Variants in AMZ1 observed in about 807,000 individuals in gnomAD.
AMZ1 encodes archaemetzincin-1.
Under a neutral mutation model 29.9 loss-of-function variants are expected in AMZ1, and 39 were observed. The observed-to-expected ratio is 1.30, with a 90% CI of 1.01 to 1.70. AMZ1 has a LOEUF of 1.70. Ranked by LOEUF, AMZ1 falls within the 40% of genes most tolerant of loss-of-function variation. AMZ1 has a pLI of 0.00. For missense variants in AMZ1, 1,041 were observed against 680.6 expected, an observed-to-expected ratio of 1.53 and a Z score of -5.89; for synonymous variants, 458 against 304.0, an observed-to-expected ratio of 1.51 and a Z score of -5.27.
At position 2,712,872 on chromosome 7, in the gene AMZ1, G is replaced by T. The variant is rs74388321; in HGVS notation, c.1491G>T (p.Glu497Asp). Residue 497 changes from glutamate (E) to aspartate (D), a missense_variant, in exon 7 of 7, where the codon GAG becomes GAT. Physicochemically the swap from Glu to Asp is conservative, Grantham distance 45. Coordinates refer to ENST00000683327, the MANE Select transcript of AMZ1 (RefSeq NM_001384743.1). ...CCCCCCGTCCCTGGGATGGGGAAGA[G>T]AGTTAGTACAGCAGGGGCTGCCCTA... ...ESAPRPWDGE[E>D]S is the part of the protein sequence containing the mutation. 11 of 1,518,918 alleles carry T rather than the reference G, an allele frequency of 7.2e-6. No individual in the cohort carries two copies. The highest frequency in any genetic ancestry group is 8.8e-6 in the Non-Finnish European group (10 of 1,133,508). 94.1% of individuals were successfully genotyped at this position (1,518,918 alleles called of 1,614,324 possible).
chr7:2,722,406 G>A (rs1583192340), downstream of AMZ1, among the ~76,000 whole-genome samples: 1 of 151,874 alleles, frequency 6.6e-6, no homozygotes, highest in Non-Finnish European at 1.5e-5. Flanking sequence ...CCAAGTAGCC[G>A]GGACTACAGG....
At chr7:2,759,956 G>A (rs1187777658), upstream of AMZ1, among the ~76,000 whole-genome samples, 1 of 152,188 alleles carries the variant, frequency 6.6e-6, no homozygotes, top group Non-Finnish European at 1.5e-5. Context: ...TGTGTAGGCT[G>A]GAAGCCACCA....
downstream of AMZ1, among the ~76,000 whole-genome samples, chr7:2,721,371 C>A (rs1360781528): frequency 6.6e-6 from 1 of 152,208 alleles, no homozygotes; most frequent in Non-Finnish European, 1.5e-5. Flanking sequence ...CTCTGGAAGC[C>A]CGTGGATGCG....
intron 4 of AMZ1, among the ~76,000 whole-genome samples, chr7:2,747,662 C>A (rs116812210): frequency 6.6e-6 from 1 of 152,074 alleles, no homozygotes; most frequent in Non-Finnish European, 1.5e-5. Context: ...TGTTGGAAGT[C>A]CTAGGCAGGG....
chr7:2,694,301 C>A (rs143383086), intron 1 of AMZ1, among the ~76,000 whole-genome samples: 1 of 152,172 alleles, frequency 6.6e-6, no homozygotes, highest in East Asian at 1.9e-4. Flanking sequence ...TCTCTTGCCC[C>A]GGGACTGGAT....
intron 4 of AMZ1, among the ~76,000 whole-genome samples, chr7:2,752,836 C>T (rs922790589): frequency 1.3e-5 from 2 of 152,182 alleles, no homozygotes; most frequent in Non-Finnish European, 2.9e-5. Flanking sequence ...GTGGTTACAT[C>T]TGTTGTTCTT....
At chr7:2,696,773 C>G (rs921590278) in intron 1 of AMZ1, among the ~76,000 whole-genome samples, 1 of 152,094 alleles carries the variant, frequency 6.6e-6, no homozygotes, top group South Asian at 2.1e-4. Flanking sequence ...GTAGTCCCAA[C>G]TACTTGGGAG....
chr7:2,687,726 G>C (rs1787138332), upstream of AMZ1, among the ~76,000 whole-genome samples: 1 of 151,834 alleles, frequency 6.6e-6, no homozygotes, highest in African/African-American at 2.4e-5. Flanking sequence ...GATAAGCCTG[G>C]TTCACCTCCT....
chr7:2,735,748 T>C (rs935859579), intron 4 of AMZ1, among the ~76,000 whole-genome samples: 1 of 152,186 alleles, frequency 6.6e-6, no homozygotes, highest in African/African-American at 2.4e-5. Flanking sequence ...TCATCTTGCA[T>C]GAGTGGCGGA....
chr7:2,703,040 G>A, intron 3 of AMZ1, 151 bp downstream of exon 3: 1 of 1,141,024 alleles, frequency 8.8e-7, no homozygotes, highest in Non-Finnish European at 1.2e-6. Flanking sequence ...GCAGGACCAA[G>A]CCGGAGAGCT....
chr7:2,741,397 G>C (rs1397167402), intron 4 of AMZ1, among the ~76,000 whole-genome samples: 1 of 152,080 alleles, frequency 6.6e-6, no homozygotes. Context: ...CTAGGGGTGG[G>C]GAGAGCTCAC....
chr7:2,712,305 C>T, intron 6 of AMZ1, 25 bp from the exon 7 acceptor site: 1 of 1,533,294 alleles, frequency 6.5e-7, no homozygotes, highest in Non-Finnish European at 8.8e-7. Flanking sequence ...ACGGAGCAAA[C>T]TCAGCCTGTG....
downstream of AMZ1, among the ~76,000 whole-genome samples, chr7:2,722,764 A>G (rs112992953): frequency 6.3e-3 from 964 of 152,234 alleles, 13 homozygotes; most frequent in African/African-American, 0.022. Flanking sequence ...CTTGAGGCCA[A>G]GAGTTCAACA....
chr7:2,731,027 C>G lies in AMZ1; in HGVS notation n.550+21211C>G. The G allele has an allele frequency of 1.7e-6, 1 of 573,442 alleles. No homozygotes were observed. Among genetic ancestry groups the G allele is most frequent in the African/African-American group, 1.9e-5 (1 of 53,862 alleles). 35.5% of individuals were successfully genotyped at this position (573,442 alleles called of 1,614,324 possible). A position where few individuals can be genotyped will look rare whatever the true frequency, so the allele number is the denominator to read the frequency against. ...TCCATGTCCTTTTGCCTAGAGCTCG[C>G]TGGCTGGCTGGTCTGACAGCATTCC... On this transcript the variant is annotated intron_variant and non_coding_transcript_variant, in intron 4 of 4. Coordinates refer to the AMZ1 transcript ENST00000489665. The surrounding 1 kb of genome is among the most constrained non-coding windows in gnomAD (Gnocchi z 6.0).
At chr7:2,705,479 A>C (rs1788298857) in intron 3 of AMZ1, among the ~76,000 whole-genome samples, 1 of 152,162 alleles carries the variant, frequency 6.6e-6, no homozygotes, top group Non-Finnish European at 1.5e-5. Flanking sequence ...CACCATAATC[A>C]TATAGAGGGC....
intron 4 of AMZ1, chr7:2,728,444 CTA>C (rs1789720602): frequency 1.3e-5 from 2 of 152,120 alleles, no homozygotes; most frequent in African/African-American, 4.8e-5. Flanking sequence ...AATTACAGAC[CTA>C]TGACTCAAAA....
rs1789263879 is a variant in AMZ1 at position 2,718,542 on chromosome 7, G to A, written c.*5664G>A. 6.6e-6 allele frequency among the ~76,000 whole-genome samples: 1 copy of A among 152,242 alleles called. No individual in the cohort carries two copies. Among genetic ancestry groups the A allele is most frequent in the South Asian group, 2.1e-4 (1 of 4,832 alleles). ...GGCAGCCGCGGGCGCCCACTCACCT[G>A]GCACGTGGACGAAGGTGATGAGCGC... On this transcript the variant is annotated 3_prime_UTR_variant, in exon 7 of 7. Coordinates refer to ENST00000683327, the MANE Select transcript of AMZ1 (RefSeq NM_001384743.1).
At chr7:2,756,548 G>C (rs940004203) in intron 4 of AMZ1, among the ~76,000 whole-genome samples, 1 of 152,040 alleles carries the variant, frequency 6.6e-6, no homozygotes, top group Non-Finnish European at 1.5e-5. Context: ...CCGGGAGGTC[G>C]AGGCTGCAGT....
chr7:2,709,490 C>T (rs1399692868), intron 5 of AMZ1, 150 bp from the exon 6 acceptor site: 2 of 1,273,706 alleles, frequency 1.6e-6, no homozygotes, highest in Non-Finnish European at 2.1e-6. Context: ...GTGGCCTGTG[C>T]CGCCTGGGGC....
Sources: gnomAD v4.1 joint callset for allele counts (sites outside exome capture counted in the v4.1 genomes callset) on GRCh38, gnomAD v4.1.1 for gene constraint, Gnocchi (gnomAD v3.1) non-coding constraint, MANE v1.5 for transcripts, NCBI Gene and HGNC (gene_info 2026-07-23, HGNC 2026-07-21) for gene names.